The following SCN1A variants were observed in gnomAD, a reference collection of about 807,000 sequenced individuals.
SCN1A encodes the protein sodium channel protein type 1 subunit alpha.
Under a neutral mutation model 193.7 loss-of-function variants are expected in SCN1A, and 13 were observed. That is an observed-to-expected ratio of 0.07 (90% CI 0.04 to 0.11). The LOEUF (loss-of-function observed/expected upper bound fraction) is 0.11. SCN1A is among the 10% of genes least tolerant of loss of function. The pLI is 1.00. For synonymous variants in SCN1A, 781 were observed against 843.6 expected (o/e 0.93, Z 1.29); for missense variants, 1,432 against 2,451.1 (o/e 0.58, Z 8.78).
At chr2:166,069,723 T>C (rs530646710) in intron 4 of SCN1A, among the ~76,000 whole-genome samples, 133 of 152,360 alleles carry the variant, frequency 8.7e-4, no homozygotes, top group African/African-American at 3.0e-3. Flanking sequence ...AGTCTTTGTA[T>C]ACTGATGCAA....
At chr2:166,125,533 C>G (rs1446557895) in intron 2 of SCN1A, among the ~76,000 whole-genome samples, 1 of 152,190 alleles carries the variant, frequency 6.6e-6, no homozygotes, top group Non-Finnish European at 1.5e-5. Context: ...TCTTCTTCGT[C>G]AGCAATTCCC....
At chr2:166,114,462 G>A (rs1049822230) in intron 2 of SCN1A, among the ~76,000 whole-genome samples, 1 of 152,108 alleles carries the variant, frequency 6.6e-6, no homozygotes, top group Non-Finnish European at 1.5e-5. Flanking sequence ...AAGAAACCAT[G>A]CACTGGAATT....
At position 166,073,554 on chromosome 2, in the gene SCN1A, G is replaced by A. The variant is rs139397227; in HGVS notation, c.68C>T (p.Ala23Val). The change falls in exon 4 of 29, where the codon GCG (alanine) becomes GTG (valine). Residue 23 changes from alanine (A) to valine (V), a missense_variant. Coordinates refer to ENST00000674923, the MANE Select transcript of SCN1A (RefSeq NM_001165963.4). ...TTCTGCAATGCGTCTTTCAATAGCC[G>A]CAAGAGATTCTCTGGTGAAGAAGTT... The part of the protein sequence containing the change: ...SFNFFTRESL[A>V]AIERRIAEEK... 397 of 1,614,110 alleles carry A rather than the reference G, an allele frequency of 2.5e-4. No individual in the cohort carries two copies. The African/African-American group carries it at 4.6e-3, about 19-fold the overall frequency.
rs1048046947 is a variant in SCN1A at position 166,111,144 on chromosome 2, T to C, written c.-142+15780A>G. On this transcript the variant is annotated intron_variant, in intron 2 of 28. Coordinates refer to ENST00000674923, the MANE Select transcript of SCN1A (RefSeq NM_001165963.4). ...TTTCAATATAGATGAAACAGCCTTA[T>C]ATTAAAAGAAGATGCCATCTAGGAC... 4.6e-5 allele frequency among the ~76,000 whole-genome samples: 7 copies of C among 152,268 alleles called. No homozygotes were observed. The East Asian group carries it at 9.6e-4, about 21-fold the overall frequency.
In SCN1A at chr2:166,014,169, G is replaced by A. The variant is rs369456787; in HGVS notation, c.3551-271C>T. On this transcript the variant is annotated intron_variant, in intron 20 of 28. Coordinates refer to ENST00000674923, the MANE Select transcript of SCN1A (RefSeq NM_001165963.4). The stretch of plus-strand genomic sequence containing the variant: ...GAAACTTTGTAAATTACAAATAAAT[G>A]TGAGGTAGCTTTTCCTTGTACCATA... 2.4e-4 allele frequency among the ~76,000 whole-genome samples: 37 copies of A among 151,734 alleles called. No homozygotes were observed. In the South Asian group the frequency reaches 7.3e-3, roughly 30 times the overall value.
intron 4 of SCN1A, among the ~76,000 whole-genome samples, chr2:166,069,550 A>G (rs1270540849): frequency 6.6e-6 from 1 of 152,244 alleles, no homozygotes; most frequent in African/African-American, 2.4e-5. Flanking sequence ...GTAAAAGATT[A>G]CAGAGAGCTT....
intron 1 of SCN1A, among the ~76,000 whole-genome samples, chr2:166,140,192 C>T (rs1692023776): frequency 6.6e-6 from 1 of 151,998 alleles, no homozygotes; most frequent in South Asian, 2.1e-4. Context: ...CTCCAAAGTA[C>T]CTAATCTTAC....
At chr2:166,076,748 A>T (rs1211786957) in intron 3 of SCN1A, among the ~76,000 whole-genome samples, 1 of 151,916 alleles carries the variant, frequency 6.6e-6, no homozygotes, top group Non-Finnish European at 1.5e-5. Flanking sequence ...AATTACAGCC[A>T]ACTGATCTGT....
chr2:166,058,954 T>A (rs1682990186), intron 4 of SCN1A, among the ~76,000 whole-genome samples: 1 of 152,138 alleles, frequency 6.6e-6, no homozygotes, highest in Admixed American at 6.5e-5. Flanking sequence ...AGAAGTCATT[T>A]ATTTTCTCGA....
Position 165,992,722 on chromosome 2 carries a change from A to G in SCN1A, c.4853-300T>C, listed in dbSNP as rs1190408239. 6.0e-6 allele frequency: 1 copy of G among 165,900 alleles called. No individual in the cohort carries two copies. Among genetic ancestry groups the G allele is most frequent in the African/African-American group, 2.4e-5 (1 of 41,648 alleles). 10.3% of individuals were successfully genotyped at this position (165,900 alleles called of 1,614,324 possible). ...AGAATTTAAAAAGAAAATAAGTTAA[A>G]AATGCACATTTGGCCGAACAGTAGC... On this transcript the variant is annotated intron_variant, in intron 28 of 28. Coordinates refer to ENST00000674923, the MANE Select transcript of SCN1A (RefSeq NM_001165963.4). This position sits in a 1 kb window ranked among gnomAD's most constrained non-coding sequence, Gnocchi z 6.5.
At chr2:166,071,600 G>T (rs62179414) in intron 4 of SCN1A, 14 of 150,308 alleles carry the variant, frequency 9.3e-5, no homozygotes, top group African/African-American at 3.2e-4. Context: ...AAAAAAAAAG[G>T]AAAATACTGG....
chr2:166,075,518 C>CA (rs1383873542), intron 3 of SCN1A, among the ~76,000 whole-genome samples: 2 of 152,014 alleles, frequency 1.3e-5, no homozygotes, highest in African/African-American at 4.8e-5. Flanking sequence ...GTACCTATTA[C>CA]TGGCTACATG....
At chr2:166,018,606 G>A (rs1693618221) in intron 19 of SCN1A, among the ~76,000 whole-genome samples, 1 of 151,870 alleles carries the variant, frequency 6.6e-6, no homozygotes. Context: ...TTTCATTAGA[G>A]TCTCAATTCA....
At chr2:166,110,630 C>T (rs1314259783) in intron 2 of SCN1A, among the ~76,000 whole-genome samples, 3 of 152,108 alleles carry the variant, frequency 2.0e-5, no homozygotes, top group Non-Finnish European at 4.4e-5. Context: ...AAAGAAGCTG[C>T]CTCCATAAAA....
chr2:166,026,938 C>G (rs1307047461), intron 19 of SCN1A, among the ~76,000 whole-genome samples: 2 of 151,932 alleles, frequency 1.3e-5, no homozygotes, highest in Non-Finnish European at 2.9e-5. Flanking sequence ...CCGCCTCGGC[C>G]TCCCGGAATA....
intron 11 of SCN1A, 36 bp downstream of exon 11, chr2:166,047,591 T>A: frequency 6.2e-7 from 1 of 1,610,324 alleles, no homozygotes; most frequent in Non-Finnish European, 8.5e-7. Context: ...TTGTATACTT[T>A]TACTTAAATG....
At chr2:166,030,681 T>G (rs1248704344) in intron 19 of SCN1A, among the ~76,000 whole-genome samples, 2 of 152,020 alleles carry the variant, frequency 1.3e-5, no homozygotes, top group Non-Finnish European at 2.9e-5. Context: ...TTTAATAAAT[T>G]AGGAAACGGG....
intron 14 of SCN1A, 123 bp downstream of exon 14, chr2:166,043,546 G>A: frequency 9.6e-7 from 1 of 1,040,412 alleles, no homozygotes; most frequent in Non-Finnish European, 1.4e-6. Context: ...GATATTACAA[G>A]ATGCAGGTGC....
intron 19 of SCN1A, among the ~76,000 whole-genome samples, chr2:166,020,663 G>A (rs1693937381): frequency 1.3e-5 from 2 of 151,974 alleles, no homozygotes; most frequent in Non-Finnish European, 2.9e-5. Flanking sequence ...TTGAATAAAC[G>A]TAACACCGGT....
Sources: allele counts gnomAD v4.1 joint callset (sites outside exome capture counted in the v4.1 genomes callset), GRCh38; gene constraint gnomAD v4.1.1; non-coding constraint Gnocchi (gnomAD v3.1); transcripts MANE v1.5; gene names NCBI Gene and HGNC (gene_info 2026-07-23, HGNC 2026-07-21).